The following TAFA4 variants were observed in gnomAD, a reference collection of about 807,000 sequenced individuals.
TAFA4 encodes TAFA chemokine like family member 4.
Under a neutral mutation model 21.1 loss-of-function variants are expected in TAFA4, and 20 were observed. The ratio of observed to expected loss-of-function variants is 0.95; its 90% CI spans 0.67 to 1.38. TAFA4 has a LOEUF of 1.38. TAFA4 is among the 40% of genes most tolerant of loss of function. The pLI is 0.00. For synonymous variants in TAFA4, 71 were observed against 67.4 expected, an observed-to-expected ratio of 1.05 and a Z score of -0.26; for missense variants, 211 against 180.9, an observed-to-expected ratio of 1.17 and a Z score of -0.95.
intron 3 of TAFA4, among the ~76,000 whole-genome samples, chr3:68,764,306 C>T (rs1010496951): frequency 6.6e-6 from 1 of 152,058 alleles, no homozygotes; most frequent in African/African-American, 2.4e-5. Context: ...AGAGAGCCCC[C>T]ACCAGAAACT....
intron 1 of TAFA4, among the ~76,000 whole-genome samples, chr3:68,910,583 C>G (rs2089952149): frequency 6.6e-6 from 1 of 152,210 alleles, no homozygotes; most frequent in African/African-American, 2.4e-5. Flanking sequence ...ATCATCCACT[C>G]TATAGAACTT....
intron 1 of TAFA4, among the ~76,000 whole-genome samples, chr3:68,907,222 T>A (rs1367593894): frequency 6.6e-6 from 1 of 152,002 alleles, no homozygotes; most frequent in African/African-American, 2.4e-5. Context: ...TCTGCTAATA[T>A]CCAAAGTAGC....
chr3:68,791,986 T>TA (rs930230007), intron 3 of TAFA4, among the ~76,000 whole-genome samples: 13 of 151,520 alleles, frequency 8.6e-5, no homozygotes, highest in South Asian at 2.1e-4. Context: ...ATTTAGATTC[T>TA]AAAAAAAAAC....
intron 3 of TAFA4, among the ~76,000 whole-genome samples, chr3:68,842,361 G>C (rs1005383353): frequency 2.6e-5 from 4 of 152,080 alleles, no homozygotes; most frequent in Admixed American, 6.5e-5. Flanking sequence ...AGAACTGTCT[G>C]TACATATCCT....
intron 3 of TAFA4, among the ~76,000 whole-genome samples, chr3:68,754,222 G>A (rs749040953): frequency 9.9e-5 from 15 of 152,128 alleles, no homozygotes; most frequent in South Asian, 4.1e-4. Context: ...ATGCTACTAC[G>A]TAATGTACAA....
At chr3:68,824,337 GA>G (rs1442786908) in intron 3 of TAFA4, among the ~76,000 whole-genome samples, 1 of 152,170 alleles carries the variant, frequency 6.6e-6, no homozygotes, top group East Asian at 1.9e-4. Flanking sequence ...GGCCCTAAGG[GA>G]AAATTATTTC....
At chr3:68,881,076 G>A (rs2089612355) in intron 2 of TAFA4, among the ~76,000 whole-genome samples, 1 of 152,204 alleles carries the variant, frequency 6.6e-6, no homozygotes, top group South Asian at 2.1e-4. Flanking sequence ...ATGCATCAGT[G>A]AGAAGCTTAT....
chr3:68,863,220 T>A (rs1187279276), intron 3 of TAFA4, among the ~76,000 whole-genome samples: 1 of 151,964 alleles, frequency 6.6e-6, no homozygotes, highest in Admixed American at 6.6e-5. Context: ...TCCAGCCTCC[T>A]AGGTGACAGA....
At chr3:68,877,312 C>T (rs1164433860) in intron 3 of TAFA4, among the ~76,000 whole-genome samples, 3 of 152,098 alleles carry the variant, frequency 2.0e-5, no homozygotes, top group African/African-American at 7.2e-5. Context: ...TGAGCCGAGA[C>T]TGCGCCACTG....
At chr3:68,904,711 A>C (rs2089881428) in intron 1 of TAFA4, among the ~76,000 whole-genome samples, 1 of 152,138 alleles carries the variant, frequency 6.6e-6, no homozygotes, top group Non-Finnish European at 1.5e-5. Context: ...AAGCATAGAG[A>C]TGCTCCCAGA....
chr3:68,915,035 T>C (rs530189787), intron 1 of TAFA4, among the ~76,000 whole-genome samples: 21 of 152,290 alleles, frequency 1.4e-4, no homozygotes, highest in African/African-American at 5.1e-4. Context: ...AGTATAAATA[T>C]TTACTACATA....
At chr3:68,915,071 T>C (rs7642925) in intron 1 of TAFA4, among the ~76,000 whole-genome samples, 38,970 of 151,964 alleles carry the variant, frequency 0.26, 5,332 homozygotes, top group African/African-American at 0.36. Flanking sequence ...AGTTTGTCAA[T>C]CCCTGCTGCT....
chr3:68,828,210 G>C (rs1005790634), intron 3 of TAFA4, among the ~76,000 whole-genome samples: 2 of 152,090 alleles, frequency 1.3e-5, no homozygotes, highest in Non-Finnish European at 2.9e-5. Context: ...TATTTCTGAG[G>C]CCTCTGTTCT....
chr3:68,829,893 A>C (rs911579443), intron 3 of TAFA4, among the ~76,000 whole-genome samples: 1 of 152,042 alleles, frequency 6.6e-6, no homozygotes, highest in Non-Finnish European at 1.5e-5. Flanking sequence ...CAGAGATTCA[A>C]CTTCTTCCTG....
intron 3 of TAFA4, among the ~76,000 whole-genome samples, chr3:68,780,105 G>A (rs1008040732): frequency 2.6e-5 from 4 of 152,176 alleles, no homozygotes; most frequent in Non-Finnish European, 5.9e-5. Context: ...GACTTGCATG[G>A]GGCATGTAGC....
chr3:68,843,904 C>T (rs1704725768), intron 3 of TAFA4, among the ~76,000 whole-genome samples: 1 of 152,222 alleles, frequency 6.6e-6, no homozygotes, highest in African/African-American at 2.4e-5. Context: ...TGATGTGCTG[C>T]TGGATTTGGT....
chr3:68,741,786 C>T (rs141581515), intron 4 of TAFA4, among the ~76,000 whole-genome samples: 174 of 151,290 alleles, frequency 1.2e-3, no homozygotes, highest in African/African-American at 3.7e-3. Context: ...AGCAAGACTC[C>T]ATCTCAAAAA....
At chr3:68,804,712 C>G (rs1703655326) in intron 3 of TAFA4, among the ~76,000 whole-genome samples, 1 of 152,284 alleles carries the variant, frequency 6.6e-6, no homozygotes, top group South Asian at 2.1e-4. Context: ...AAAGGATTCC[C>G]TATTTAATAA....
chr3:68,768,293 A>G (rs1004640365), intron 3 of TAFA4, among the ~76,000 whole-genome samples: 1 of 152,200 alleles, frequency 6.6e-6, no homozygotes, highest in Non-Finnish European at 1.5e-5. Flanking sequence ...AAATGGGCAA[A>G]AGACCTAAAT....
Sources: gnomAD v4.1 joint callset for allele counts (sites outside exome capture counted in the v4.1 genomes callset) on GRCh38, gnomAD v4.1.1 for gene constraint, MANE v1.5 for transcripts, NCBI Gene and HGNC (gene_info 2026-07-23, HGNC 2026-07-21) for gene names.